Variants in ANKRD12 observed in about 807,000 individuals in gnomAD.
ANKRD12 encodes ankyrin repeat domain-containing protein 12.
ANKRD12 carries 85 observed loss-of-function variants against 183.4 expected under a neutral mutation model. That is an observed-to-expected ratio of 0.46 (90% CI 0.39 to 0.56). The LOEUF (loss-of-function observed/expected upper bound fraction) is 0.56, where lower values mean the gene tolerates loss of function less well. Ranked by LOEUF, ANKRD12 falls within the 20% of genes least tolerant of loss-of-function variation. The probability of loss-of-function intolerance (pLI) is 0.00; values close to 1 mark genes in which losing one functional copy is unlikely to be tolerated. For synonymous variants in ANKRD12, 914 were observed against 800.2 expected (o/e 1.14, Z -2.40); for missense variants, 2,405 against 2,357.1 (o/e 1.02, Z -0.42).
intron 2 of ANKRD12, among the ~76,000 whole-genome samples, chr18:9,185,622 A>G (rs2033996389): frequency 6.6e-6 from 1 of 152,222 alleles, no homozygotes; most frequent in Admixed American, 6.5e-5. Flanking sequence ...AAATAAATAT[A>G]TGAGGATATG....
At chr18:9,275,064 A>T (rs1207425949) in intron 10 of ANKRD12, among the ~76,000 whole-genome samples, 1 of 152,106 alleles carries the variant, frequency 6.6e-6, no homozygotes, top group Non-Finnish European at 1.5e-5. Context: ...GGTGGTCCAC[A>T]CCTATAGTAC....
intron 1 of ANKRD12, among the ~76,000 whole-genome samples, chr18:9,151,465 T>C (rs557375822): frequency 6.6e-6 from 1 of 152,276 alleles, no homozygotes; most frequent in East Asian, 1.9e-4. Flanking sequence ...CTAATTTAAT[T>C]TTACTTTCAA....
rs1567983115 is a variant in ANKRD12, at chr18:9,258,160, T to C, written c.4893T>C (p.His1631=). The part of the protein sequence containing the change: ...NSTTDTQVIS[H]EKENKLESLV... ...CAACTGATACTCAGGTCATTTCACA[T>C]GAAAAAGAAAACAAACTGGAGAGTT... The change falls in exon 9 of 13, where the codon CAT becomes CAC. Residue 1631 remains histidine (H), a synonymous_variant. Transcript: ENST00000262126. 1 of 1,613,788 alleles carries C rather than the reference T, an allele frequency of 6.2e-7. No homozygotes were observed. The highest frequency in any genetic ancestry group is 1.1e-5 in the South Asian group (1 of 91,068).
intron 8 of ANKRD12, among the ~76,000 whole-genome samples, chr18:9,245,989 T>G (rs953926677): frequency 3.9e-5 from 6 of 152,210 alleles, no homozygotes. Flanking sequence ...CTCTGCCACT[T>G]ACTAGCTTTA....
chr18:9,182,634 C>T, intron 2 of ANKRD12, 115 bp downstream of exon 2: 1 of 559,830 alleles, frequency 1.8e-6, no homozygotes, highest in Non-Finnish European at 2.9e-6. Context: ...CAGATAAATC[C>T]AAACCATTTA....
intron 6 of ANKRD12, 118 bp downstream of exon 6, chr18:9,211,902 T>C (rs1184578946): frequency 1.1e-6 from 1 of 883,528 alleles, no homozygotes; most frequent in Non-Finnish European, 1.7e-6. Context: ...CTAAAAATAC[T>C]CTTTATTACA....
At chr18:9,205,064 T>TTA (rs1267949241) in intron 4 of ANKRD12, among the ~76,000 whole-genome samples, 1 of 152,228 alleles carries the variant, frequency 6.6e-6, no homozygotes, top group Admixed American at 6.5e-5. Context: ...TATAACTGAA[T>TTA]TAAAATACCA....
chr18:9,195,782 A>G, intron 3 of ANKRD12, 84 bp downstream of exon 3: 1 of 1,216,426 alleles, frequency 8.2e-7, no homozygotes, highest in Non-Finnish European at 1.1e-6. Context: ...TCCTCTTGAC[A>G]CCCCAGTTTA....
chr18:9,220,856 G>C lies in ANKRD12; in HGVS notation c.796-996G>C, dbSNP rs552250880. Among the ~76,000 whole-genome samples, 3 of 152,258 alleles carry C rather than the reference G, an allele frequency of 2.0e-5. No individual in the cohort carries two copies. The East Asian group carries it at 5.8e-4, about 29-fold the overall frequency. On this transcript the variant is annotated intron_variant, in intron 7 of 12. Transcript: ENST00000262126. ...AGTATATCAAGGACAGAGTCATAGG[G>C]AAACCATCATTGGTTTAGATCTTTT...
Position 9,188,928 on chromosome 18 carries a change from G to A in ANKRD12, c.87+6409G>A, listed in dbSNP as rs370581413. Among the ~76,000 whole-genome samples the A allele has an allele frequency of 2.4e-4, 37 of 151,812 alleles. No individual in the cohort carries two copies. In the South Asian group the frequency reaches 5.4e-3, roughly 22 times the overall value. ...ACAATTTTGAAATTGTTGTGTTTCA[G>A]TGGTCTCTAAGTATTCAAGTGAAGA... On this transcript the variant is annotated intron_variant, in intron 2 of 12. Transcript: ENST00000262126.
At chr18:9,155,770 T>C (rs1470679333) in intron 1 of ANKRD12, among the ~76,000 whole-genome samples, 5 of 152,254 alleles carry the variant, frequency 3.3e-5, no homozygotes, top group African/African-American at 1.2e-4. Context: ...TTTGTAATTT[T>C]TCTGTTTTTC....
chr18:9,192,712 T>TG (rs1476014158), intron 2 of ANKRD12, among the ~76,000 whole-genome samples: 5 of 151,786 alleles, frequency 3.3e-5, no homozygotes, highest in African/African-American at 7.3e-5. Context: ...TTTCCTCCTT[T>TG]TTTTTTAGAG....
At chr18:9,251,663 A>G (rs993911660) in intron 8 of ANKRD12, among the ~76,000 whole-genome samples, 4 of 152,048 alleles carry the variant, frequency 2.6e-5, no homozygotes, top group African/African-American at 9.7e-5. Context: ...GCGTGGTGGC[A>G]GGCGCCTGTA....
At chr18:9,181,726 G>A (rs1315568456) in intron 1 of ANKRD12, among the ~76,000 whole-genome samples, 1 of 152,150 alleles carries the variant, frequency 6.6e-6, no homozygotes, top group Non-Finnish European at 1.5e-5. Flanking sequence ...ATTTTTTCTG[G>A]ATCGTTCAGG....
Position 9,285,712 on chromosome 18 carries a change from C to G in ANKRD12, c.*4586C>G, listed in dbSNP as rs1000507223. On this transcript the variant is annotated 3_prime_UTR_variant, in exon 13 of 13. Coordinates refer to ENST00000262126, the MANE Select transcript of ANKRD12 (RefSeq NM_015208.5). ...TCATGCCTCTCTCCAGTCACTACCCCTGAGGCAGCCACTGTGCTGATTTCC... is the reference window on the plus strand; with the variant it reads ...TCATGCCTCTCTCCAGTCACTACCCGTGAGGCAGCCACTGTGCTGATTTCC... 3 of 152,150 alleles carry G rather than the reference C, an allele frequency of 2.0e-5. No individual in the cohort carries two copies. The East Asian group carries it at 5.8e-4, about 29-fold the overall frequency. The allele number at this position is 152,150 out of a possible 1,614,324, so 9.4% of individuals were successfully genotyped here. A position where few individuals can be genotyped will look rare whatever the true frequency, so the allele number is the denominator to read the frequency against.
chr18:9,180,172 T>C (rs1311502596), intron 1 of ANKRD12, among the ~76,000 whole-genome samples: 1 of 152,194 alleles, frequency 6.6e-6, no homozygotes, highest in Admixed American at 6.5e-5. Context: ...ATTGGTGTGT[T>C]GTCTTAGTGT....
In ANKRD12 at chr18:9,282,240, C is replaced by G. The variant is rs1016671770; in HGVS notation, c.*1114C>G. 2.0e-5 allele frequency: 3 copies of G among 152,390 alleles called. No homozygotes were observed. Among genetic ancestry groups the G allele is most frequent in the Admixed American group, 6.6e-5 (1 of 15,260 alleles). 9.4% of individuals were successfully genotyped at this position (152,390 alleles called of 1,614,324 possible). A position where few individuals can be genotyped will look rare whatever the true frequency, so the allele number is the denominator to read the frequency against. On this transcript the variant is annotated 3_prime_UTR_variant, in exon 13 of 13. Transcript: ENST00000262126. ...TTGCTTAATGTTTTAAGCTTAATAG[C>G]CTTTGCACTTTTAAAATAAAAACCA... is the stretch of plus-strand genomic sequence containing the variant.
chr18:9,148,863 A>G (rs9966631), intron 1 of ANKRD12, among the ~76,000 whole-genome samples: 2 of 151,988 alleles, frequency 1.3e-5, no homozygotes, highest in Non-Finnish European at 2.9e-5. Flanking sequence ...AGAACAGACT[A>G]CACAATGACA....
intron 8 of ANKRD12, among the ~76,000 whole-genome samples, chr18:9,247,877 C>G (rs755553725): frequency 9.9e-5 from 15 of 152,078 alleles, no homozygotes; most frequent in Non-Finnish European, 1.9e-4. Flanking sequence ...ACTTCCACCT[C>G]CCAGGTTCAA....
Sources: gnomAD v4.1 joint callset for allele counts (sites outside exome capture counted in the v4.1 genomes callset) on GRCh38, gnomAD v4.1.1 for gene constraint, MANE v1.5 for transcripts, NCBI Gene and HGNC (gene_info 2026-07-23, HGNC 2026-07-21) for gene names.